LRP1B: variants seen among roughly 807,000 people sequenced by gnomAD.
The protein encoded by LRP1B is low-density lipoprotein receptor-related protein 1B.
Under a neutral mutation model 556.6 loss-of-function variants are expected in LRP1B, and 217 were observed. The ratio of observed to expected loss-of-function variants is 0.39; its 90% CI spans 0.35 to 0.44. The LOEUF is 0.44. Among genes scored for constraint, LRP1B ranks in the 20% least tolerant of loss-of-function variants. LRP1B has a pLI of 1.00. For missense variants in LRP1B, 5,053 were observed against 5,620.8 expected, an observed-to-expected ratio of 0.90 and a Z score of 3.23; for synonymous variants, 2,047 against 1,865.8, an observed-to-expected ratio of 1.10 and a Z score of -2.50.
intron 2 of LRP1B, among the ~76,000 whole-genome samples, chr2:141,630,289 C>G (rs1268080091): frequency 2.0e-5 from 3 of 152,074 alleles, no homozygotes; most frequent in Non-Finnish European, 4.4e-5. Context: ...AATGAAACAG[C>G]TGGAAAAAAC....
intron 35 of LRP1B, among the ~76,000 whole-genome samples, chr2:140,751,582 T>C (rs1688581369): frequency 6.6e-6 from 1 of 152,218 alleles, no homozygotes; most frequent in Non-Finnish European, 1.5e-5. Flanking sequence ...TTTAATACTT[T>C]ATTTTTCCCA....
chr2:141,289,873 T>C (rs1009727350), intron 3 of LRP1B, among the ~76,000 whole-genome samples: 2 of 152,216 alleles, frequency 1.3e-5, no homozygotes, highest in Admixed American at 6.5e-5. Context: ...CTACCTTATA[T>C]ATGTGTTACT....
intron 22 of LRP1B, among the ~76,000 whole-genome samples, chr2:140,907,309 C>CAT (rs1694285629): frequency 6.6e-6 from 1 of 152,006 alleles, no homozygotes; most frequent in African/African-American, 2.4e-5. Context: ...TGCTAGTCAA[C>CAT]GTGATTTCAA....
rs3063648 is a variant in LRP1B at position 140,929,756 on chromosome 2, TCACACA to T, written c.3137-6615_3137-6610del. ...AAGTTTATACCACAGTCATATAGAC[TCACACA>T]CACACACACACACACACACACACAC... On this transcript the variant is annotated intron_variant, in intron 20 of 90. Coordinates refer to ENST00000389484, the MANE Select transcript of LRP1B (RefSeq NM_018557.3). Among the ~76,000 whole-genome samples, 988 of 139,304 alleles carry T rather than the reference TCACACA, an allele frequency of 7.1e-3. 10 individuals carry two copies. Among genetic ancestry groups the T allele is most frequent in the African/African-American group, 0.015 (560 of 38,034 alleles). 91.4% of individuals were successfully genotyped at this position (139,304 alleles called of 152,430 possible).
intron 1 of LRP1B, among the ~76,000 whole-genome samples, chr2:141,888,865 T>C (rs1029151684): frequency 1.3e-5 from 2 of 152,200 alleles, no homozygotes; most frequent in Non-Finnish European, 2.9e-5. Context: ...AATTCCACTT[T>C]CGTATATTGT....
intron 53 of LRP1B, among the ~76,000 whole-genome samples, chr2:140,505,339 T>A (rs1306909154): frequency 6.6e-6 from 1 of 151,542 alleles, no homozygotes; most frequent in Admixed American, 6.6e-5. Flanking sequence ...AGCTCTGGAG[T>A]TCATGCTATT....
intron 35 of LRP1B, among the ~76,000 whole-genome samples, chr2:140,749,418 A>G (rs1053795753): frequency 2.6e-5 from 4 of 152,136 alleles, no homozygotes; most frequent in African/African-American, 9.7e-5. Context: ...TTAAAAGATG[A>G]CCACATTGTA....
intron 59 of LRP1B, among the ~76,000 whole-genome samples, chr2:140,482,029 G>T (rs3923350): frequency 0.25 from 37,669 of 151,968 alleles, 4,996 homozygotes; most frequent in Admixed American, 0.38. Flanking sequence ...TCTGATCCCA[G>T]TTGAGACAGA....
chr2:141,186,358 A>G (rs1044713142), intron 7 of LRP1B, among the ~76,000 whole-genome samples: 3 of 151,958 alleles, frequency 2.0e-5, no homozygotes, highest in African/African-American at 7.2e-5. Context: ...TTCTAACCAA[A>G]AAACTATTCA....
intron 1 of LRP1B, among the ~76,000 whole-genome samples, chr2:142,129,529 C>A (rs1304530700): frequency 1.3e-5 from 2 of 151,984 alleles, no homozygotes; most frequent in Admixed American, 6.5e-5. Flanking sequence ...CTAAATCTCC[C>A]AATGCAACAT....
chr2:140,363,662 T>C (rs1682621696), intron 72 of LRP1B, among the ~76,000 whole-genome samples: 1 of 150,982 alleles, frequency 6.6e-6, no homozygotes, highest in Non-Finnish European at 1.5e-5. Flanking sequence ...GTTGTATCTA[T>C]AGAAAAAAAC....
chr2:140,469,513 T>G, intron 60 of LRP1B, among the ~76,000 whole-genome samples: 1 of 152,238 alleles, frequency 6.6e-6, no homozygotes, highest in East Asian at 1.9e-4. Flanking sequence ...ATTGCTCTTT[T>G]CATTTTGAAG....
At chr2:142,072,313 C>G (rs1705346558) in intron 1 of LRP1B, among the ~76,000 whole-genome samples, 1 of 151,880 alleles carries the variant, frequency 6.6e-6, no homozygotes, top group Non-Finnish European at 1.5e-5. Flanking sequence ...CCTTATTGCC[C>G]TTTGGGTAAA....
chr2:141,127,200 C>T (rs942775084), intron 7 of LRP1B, among the ~76,000 whole-genome samples: 1 of 152,160 alleles, frequency 6.6e-6, no homozygotes, highest in African/African-American at 2.4e-5. Context: ...TACCATCTTA[C>T]ACCAGTTAGA....
At chr2:140,935,175 T>G (rs1695166872) in intron 20 of LRP1B, among the ~76,000 whole-genome samples, 1 of 151,868 alleles carries the variant, frequency 6.6e-6, no homozygotes, top group Non-Finnish European at 1.5e-5. Flanking sequence ...AATAAACCAA[T>G]GAAAAGTATC....
chr2:141,467,844 G>GGGC (rs1553518616), intron 3 of LRP1B, among the ~76,000 whole-genome samples: 15 of 137,760 alleles, frequency 1.1e-4, no homozygotes, highest in African/African-American at 3.6e-4. Context: ...CGGACCGGGG[G>GGGC]GGGGGGAATT....
chr2:141,220,631 A>T (rs1423221497), intron 6 of LRP1B, among the ~76,000 whole-genome samples: 1 of 151,726 alleles, frequency 6.6e-6, no homozygotes, highest in South Asian at 2.1e-4. Context: ...GGAAAAAAAA[A>T]AAAAAAGAAA....
intron 2 of LRP1B, among the ~76,000 whole-genome samples, chr2:141,498,885 T>C (rs1683612394): frequency 1.3e-5 from 2 of 152,122 alleles, no homozygotes; most frequent in Non-Finnish European, 2.9e-5. Context: ...TGAGGGCTTC[T>C]ACAAAGTCAT....
At chr2:141,088,958 C>G (rs755320955) in intron 7 of LRP1B, among the ~76,000 whole-genome samples, 1 of 151,980 alleles carries the variant, frequency 6.6e-6, no homozygotes, top group South Asian at 2.1e-4. Flanking sequence ...TAAAAACAAA[C>G]AAAAAGTCAT....
Sources: gnomAD v4.1 joint callset for allele counts (sites outside exome capture counted in the v4.1 genomes callset) on GRCh38, gnomAD v4.1.1 for gene constraint, MANE v1.5 for transcripts, NCBI Gene and HGNC (gene_info 2026-07-23, HGNC 2026-07-21) for gene names.